ZNF91: variants seen among roughly 807,000 people sequenced by gnomAD.
The protein encoded by ZNF91 is zinc finger protein 91 (HPF7, HTF10).
Under a neutral mutation model 12.6 loss-of-function variants are expected in ZNF91, and 7 were observed. That is an observed-to-expected ratio of 0.55 (90% CI 0.31 to 1.04). The LOEUF (loss-of-function observed/expected upper bound fraction) is 1.04, where lower values mean the gene tolerates loss of function less well. Ranked by LOEUF, ZNF91 falls within the 50% of genes least tolerant of loss-of-function variation. The probability of loss-of-function intolerance (pLI) is 0.05; values close to 1 mark genes in which losing one functional copy is unlikely to be tolerated. For synonymous variants in ZNF91, 453 were observed against 462.6 expected (o/e 0.98, Z 0.27); for missense variants, 1,217 against 1,385.4 (o/e 0.88, Z 1.93).
chr19:23,386,465 T>C (rs917763127), intron 1 of ZNF91, among the ~76,000 whole-genome samples: 2 of 152,132 alleles, frequency 1.3e-5, no homozygotes, highest in Non-Finnish European at 2.9e-5. Flanking sequence ...AACAAACTCA[T>C]AGATGAATGT....
chr19:23,326,566 A>G (rs976296445), intron 1 of ZNF91: 1 of 152,180 alleles, frequency 6.6e-6, no homozygotes, highest in African/African-American at 2.4e-5. Context: ...ACCTCAGGTG[A>G]GCCGCCTGCC....
chr19:23,361,026 A>C lies in ZNF91; in HGVS notation c.1953T>G (p.Ile651Met). ...HSSALAKHKR[I>M]HTGEKPYKCK... Reference sequence around the variant, plus strand: ...ATTTGTAGGGTTTCTCTCCAGTATGAATTCTCTTATGTTTAGCAAGGGCTG... The same window carrying C: ...ATTTGTAGGGTTTCTCTCCAGTATGCATTCTCTTATGTTTAGCAAGGGCTG... The change falls in exon 4 of 4, where the codon ATT becomes ATG. Residue 651 changes from isoleucine to methionine, a missense_variant. Transcript: ENST00000300619. The C allele has an allele frequency of 1.2e-6, 2 of 1,602,960 alleles. No homozygotes were observed. Among genetic ancestry groups the C allele is most frequent in the South Asian group, 1.1e-5 (1 of 90,394 alleles).
chr19:23,368,562 C>CTCTA (rs768532900), intron 3 of ZNF91, among the ~76,000 whole-genome samples: 37 of 118,618 alleles, frequency 3.1e-4, no homozygotes, highest in East Asian at 9.3e-4. Flanking sequence ...CTCTCTCTCT[C>CTCTA]TATATATATA....
chr19:23,360,359 T>G lies in ZNF91; in HGVS notation c.2620A>C (p.Ile874Leu). 1.2e-6 allele frequency: 2 copies of G among 1,614,124 alleles called. No individual in the cohort carries two copies. Among genetic ancestry groups the G allele is most frequent in the South Asian group, 2.2e-5 (2 of 91,076 alleles). Residue 874 changes from isoleucine (I) to leucine (L), a missense_variant, in exon 4 of 4, where the codon ATA becomes CTA. By Grantham distance (5) the Ile-to-Leu change is conservative. Around this residue, in one of 2 missense-constraint regions of ZNF91, gnomAD observed 491 missense variants for 489.8 expected, o/e 1.00. Transcript: ENST00000300619. ...GAAGGTTTCTCTTTAGTATGAATTA[T>G]CTTATGTGTCGTAAGATTTGAAGAT... is the stretch of plus-strand genomic sequence containing the variant. The part of the protein sequence containing the change: ...NQSSNLTTHK[I>L]IHTKEKPSKS...
chr19:23,335,506 A>C (rs540249886), downstream of ZNF91, among the ~76,000 whole-genome samples: 12 of 152,120 alleles, frequency 7.9e-5, no homozygotes, highest in Non-Finnish European at 1.6e-4. Context: ...TTGTTTACCT[A>C]GTCAAGCCTC....
In ZNF91 at chr19:23,360,538, G is replaced by C. The variant is rs1968694868; in HGVS notation, c.2441C>G (p.Thr814Ser). The change falls in exon 4 of 4, where the codon ACT becomes AGT. Residue 814 changes from threonine to serine, a missense_variant. Physicochemically the swap from Thr to Ser is moderately conservative, Grantham distance 58. Coordinates refer to ENST00000300619, the MANE Select transcript of ZNF91 (RefSeq NM_003430.4). ...TCCAGTATGAATTGTCTTATGCTTA[G>C]TAAGGGTTGAGGAACGGCTAAAAGC... ...GKAFSRSSTL[T>S]KHKTIHTGEK... is the part of the protein sequence containing the mutation. The C allele has an allele frequency of 6.2e-7, 1 of 1,613,904 alleles. No homozygotes were observed. Among genetic ancestry groups the C allele is most frequent in the Non-Finnish European group, 8.5e-7 (1 of 1,179,940 alleles).
intron 3 of ZNF91, among the ~76,000 whole-genome samples, chr19:23,348,957 G>T (rs550327032): frequency 6.6e-5 from 10 of 152,212 alleles, no homozygotes; most frequent in African/African-American, 2.4e-4. Context: ...TGAGAGAAGG[G>T]ATGAAATACA....
chr19:23,356,048 G>A (rs912559654), downstream of ZNF91, among the ~76,000 whole-genome samples: 2 of 152,176 alleles, frequency 1.3e-5, no homozygotes, highest in Admixed American at 6.5e-5. Context: ...TACTGCTGGT[G>A]AGAATGTAAA....
chr19:23,380,386 A>G (rs1969668239), intron 1 of ZNF91: 1 of 150,636 alleles, frequency 6.6e-6, no homozygotes, highest in African/African-American at 2.4e-5. Flanking sequence ...TGCGAGCATT[A>G]TCTAAGCCAC....
In ZNF91 at chr19:23,360,530, T is replaced by C; in HGVS notation, c.2449A>G (p.Lys817Glu). Residue 817 changes from lysine to glutamate, a missense_variant, in exon 4 of 4, where the codon AAG becomes GAG. Coordinates refer to ENST00000300619, the MANE Select transcript of ZNF91 (RefSeq NM_003430.4). ...FSRSSTLTKHKTIHTGEKPYK... is the reference protein window; with the variant it reads ...FSRSSTLTKHETIHTGEKPYK... ...GGTTTCTCTCCAGTATGAATTGTCT[T>C]ATGCTTAGTAAGGGTTGAGGAACGG... is the stretch of plus-strand genomic sequence containing the variant. 2 of 1,613,930 alleles carry C rather than the reference T, an allele frequency of 1.2e-6. No individual in the cohort carries two copies. Among genetic ancestry groups the C allele is most frequent in the Admixed American group, 1.7e-5 (1 of 60,014 alleles).
chr19:23,386,218 A>C (rs995177854), intron 1 of ZNF91, among the ~76,000 whole-genome samples: 1 of 152,180 alleles, frequency 6.6e-6, no homozygotes, highest in East Asian at 1.9e-4. Context: ...CAATATCCTA[A>C]AAGTGATCAT....
chr19:23,353,774 ACAC>A (rs1318964806), downstream of ZNF91, among the ~76,000 whole-genome samples: 1 of 152,210 alleles, frequency 6.6e-6, no homozygotes, highest in African/African-American at 2.4e-5. Context: ...ATAATAACTG[ACAC>A]CACTGAAATA....
At chr19:23,373,932 C>A in intron 2 of ZNF91, 95 bp from the exon 3 acceptor site, 1 of 690,830 alleles carries the variant, frequency 1.4e-6, no homozygotes, top group African/African-American at 1.9e-5. Context: ...ATAGAATATT[C>A]TAATAAATTG....
downstream of ZNF91, among the ~76,000 whole-genome samples, chr19:23,336,291 G>C (rs1599697599): frequency 6.6e-6 from 1 of 152,204 alleles, no homozygotes; most frequent in East Asian, 1.9e-4. Flanking sequence ...AAAGAGAAAG[G>C]AGAATAGCTC....
rs566143418 is a variant in ZNF91, at chr19:23,330,429, T to C, written n.117-21332A>G. On this transcript the variant is annotated intron_variant and non_coding_transcript_variant, in intron 1 of 1. Transcript: ENST00000596528. ...TGGGTAATGCTTGTCTCTGATGTCA[T>C]CCACATGACTCACCAGAATCGGAGG... 3.9e-5 allele frequency among the ~76,000 whole-genome samples: 6 copies of C among 152,300 alleles called. No homozygotes were observed. In the East Asian group the frequency reaches 1.2e-3, roughly 29 times the overall value.
chr19:23,370,565 C>T (rs1378136025), intron 3 of ZNF91, among the ~76,000 whole-genome samples: 1 of 152,112 alleles, frequency 6.6e-6, no homozygotes, highest in East Asian at 1.9e-4. Flanking sequence ...TAGAGTGGCA[C>T]ATTATGGCTC....
chr19:23,342,064 C>T (rs1034065616), intron 3 of ZNF91: 1 of 326,356 alleles, frequency 3.1e-6, no homozygotes, highest in Non-Finnish European at 5.6e-6. Flanking sequence ...TTTTAGGAAA[C>T]CTTTCCATGG....
At chr19:23,391,546 C>T (rs183454587) in intron 1 of ZNF91, among the ~76,000 whole-genome samples, 138 of 152,290 alleles carry the variant, frequency 9.1e-4, no homozygotes, top group African/African-American at 3.2e-3. Flanking sequence ...ATCTTATAGT[C>T]ACTACTTCCT....
chr19:23,361,256 T>A lies in ZNF91; in HGVS notation c.1723A>T (p.Lys575Ter). 1.2e-6 allele frequency: 2 copies of A among 1,613,692 alleles called. No individual in the cohort carries two copies. Among genetic ancestry groups the A allele is most frequent in the Non-Finnish European group, 8.5e-7 (1 of 1,179,830 alleles). The change falls in exon 4 of 4, where the codon AAA becomes TAA. Residue 575 changes from lysine (K) to a stop codon, truncating the protein, a stop_gained. Coordinates refer to ENST00000300619, the MANE Select transcript of ZNF91 (RefSeq NM_003430.4). LOFTEE classifies it low-confidence loss of function (END_TRUNC). ...KIIHAGKKLY[K>*]CEECGKAFNH... ...AAAGCTTTGCCACATTCTTCACATT[T>A]GTAGAGTTTCTTTCCAGCATGAATT...
Sources: gnomAD v4.1 joint callset for allele counts (sites outside exome capture counted in the v4.1 genomes callset) on GRCh38, gnomAD v4.1.1 for gene constraint, gnomAD v4.1.1 regional missense constraint, MANE v1.5 for transcripts, NCBI Gene and HGNC (gene_info 2026-07-23, HGNC 2026-07-21) for gene names.